Variants in RASSF8 observed in about 807,000 individuals in gnomAD.
RASSF8 encodes Ras association domain family member 8.
A neutral mutation model predicts 48.5 loss-of-function variants in RASSF8; 22 were observed. That is an observed-to-expected ratio of 0.45 (90% CI 0.32 to 0.65). The LOEUF is 0.65. Ranked by LOEUF, RASSF8 falls within the 30% of genes least tolerant of loss-of-function variation. The probability of loss-of-function intolerance (pLI) is 0.03; values close to 1 mark genes in which losing one functional copy is unlikely to be tolerated. For missense variants in RASSF8, 418 were observed against 489.2 expected, an observed-to-expected ratio of 0.85 and a Z score of 1.37; for synonymous variants, 127 against 171.5, an observed-to-expected ratio of 0.74 and a Z score of 2.03.
chr12:25,971,016 C>T (rs1941472643), intron 1 of RASSF8, among the ~76,000 whole-genome samples: 1 of 152,136 alleles, frequency 6.6e-6, no homozygotes, highest in African/African-American at 2.4e-5. Context: ...GTTCTTATTC[C>T]TTTGCTGTAA....
exon 6 of RASSF8, chr12:26,079,863 A>C (rs1042459273): frequency 2.0e-5 from 3 of 152,072 alleles, no homozygotes; most frequent in Non-Finnish European, 4.4e-5. Flanking sequence ...GAGGTTTCTC[A>C]AAAAATTAAA....
intron 3 of RASSF8, among the ~76,000 whole-genome samples, chr12:26,062,448 A>G (rs1004744703): frequency 6.6e-6 from 1 of 152,222 alleles, no homozygotes; most frequent in Non-Finnish European, 1.5e-5. Flanking sequence ...ACATATTTAT[A>G]TTTTACATTC....
intron 2 of RASSF8, among the ~76,000 whole-genome samples, chr12:26,039,481 C>T (rs1308788488): frequency 1.4e-5 from 2 of 143,566 alleles, no homozygotes; most frequent in Non-Finnish European, 1.5e-5. Flanking sequence ...TTGGTGGGGG[C>T]GGGGGTCGGT....
chr12:26,055,517 T>C (rs1186462279), intron 3 of RASSF8, 71 bp downstream of exon 3: 5 of 1,271,812 alleles, frequency 3.9e-6, no homozygotes, highest in Non-Finnish European at 5.7e-6. Context: ...TTGTTTTAAA[T>C]ATAGATTTCT....
At chr12:25,962,154 C>T (rs1056288858) in intron 1 of RASSF8, among the ~76,000 whole-genome samples, 1 of 152,176 alleles carries the variant, frequency 6.6e-6, no homozygotes, top group African/African-American at 2.4e-5. Context: ...CTTGACATTA[C>T]TTCAGGATCC....
rs1248649038 is a variant in RASSF8, at chr12:25,958,787, CCGCCCAGCTCCT to C, written c.-555_-544del. The C allele has an allele frequency of 1.4e-5, 2 of 147,470 alleles. No individual in the cohort carries two copies. Among genetic ancestry groups the C allele is most frequent in the East Asian group, 2.0e-4 (1 of 5,084 alleles). 9.1% of individuals were successfully genotyped at this position (147,470 alleles called of 1,614,324 possible). A position where few individuals can be genotyped will look rare whatever the true frequency, so the allele number is the denominator to read the frequency against. On this transcript the variant is annotated 5_prime_UTR_variant, in exon 1 of 6. Coordinates refer to ENST00000689635, the MANE Select transcript of RASSF8 (RefSeq NM_001394098.1). ...CGCGCCGCGCCCCGCTCAGCGTCTG[CCGCCCAGCTCCT>C]CGCCCAGCCTCGCCGAGCCTCGCCC...
chr12:26,005,961 A>G (rs1253779716), intron 2 of RASSF8, among the ~76,000 whole-genome samples: 1 of 152,178 alleles, frequency 6.6e-6, no homozygotes, highest in East Asian at 1.9e-4. Flanking sequence ...ATCTACTTCA[A>G]TGTGTAGTCT....
At chr12:26,009,304 C>T (rs1306906922) in intron 2 of RASSF8, among the ~76,000 whole-genome samples, 1 of 152,172 alleles carries the variant, frequency 6.6e-6, no homozygotes, top group East Asian at 1.9e-4. Context: ...AAAGCTATAC[C>T]TACAGGAGCA....
At chr12:26,073,821 TACACACACAC>T (rs757140768), downstream of RASSF8, among the ~76,000 whole-genome samples, 19 of 65,238 alleles carry the variant, frequency 2.9e-4, no homozygotes, top group Admixed American at 1.8e-3. Context: ...TATATACACA[TACACACACAC>T]ACACACACAC....
At chr12:26,025,019 T>G (rs1942874997) in intron 2 of RASSF8, among the ~76,000 whole-genome samples, 1 of 152,124 alleles carries the variant, frequency 6.6e-6, no homozygotes, top group South Asian at 2.1e-4. Flanking sequence ...ACTACATGAT[T>G]ATTTCAATAA....
At chr12:26,042,086 A>T (rs1943277348) in intron 2 of RASSF8, among the ~76,000 whole-genome samples, 1 of 152,242 alleles carries the variant, frequency 6.6e-6, no homozygotes, top group Non-Finnish European at 1.5e-5. Context: ...TTTCTGAAAT[A>T]TAGTTATAAA....
chr12:25,990,253 C>T (rs773694145), intron 1 of RASSF8, among the ~76,000 whole-genome samples: 2 of 152,176 alleles, frequency 1.3e-5, no homozygotes, highest in Non-Finnish European at 2.9e-5. Context: ...TGGATATCCA[C>T]CAGCCATTAG....
intron 2 of RASSF8, among the ~76,000 whole-genome samples, chr12:26,009,751 T>C (rs927327213): frequency 6.6e-5 from 10 of 152,104 alleles, no homozygotes; most frequent in African/African-American, 2.4e-4. Flanking sequence ...CCCTTATATT[T>C]AGCAAGGTGA....
Position 26,069,950 on chromosome 12 carries a change from C to T in RASSF8, c.*1132C>T, listed in dbSNP as rs1462170625. On this transcript the variant is annotated 3_prime_UTR_variant, in exon 6 of 6. Coordinates refer to ENST00000689635, the MANE Select transcript of RASSF8 (RefSeq NM_001394098.1). ...TTTTTATTTTTAGGCTTGACTTTTA[C>T]AAGACATTAATCTCCATTTGTACAT... 2 of 978,192 alleles carry T rather than the reference C, an allele frequency of 2.0e-6. No homozygotes were observed. The highest frequency in any genetic ancestry group is 4.7e-5 in the South Asian group (1 of 21,176). 60.6% of individuals were successfully genotyped at this position (978,192 alleles called of 1,614,324 possible). A position where few individuals can be genotyped will look rare whatever the true frequency, so the allele number is the denominator to read the frequency against.
intron 2 of RASSF8, among the ~76,000 whole-genome samples, chr12:26,014,369 T>C (rs1049747502): frequency 6.6e-6 from 1 of 152,230 alleles, no homozygotes; most frequent in Non-Finnish European, 1.5e-5. Flanking sequence ...ATAAAACGTA[T>C]GTGCTATCCT....
At chr12:26,038,358 C>T (rs566462566) in intron 2 of RASSF8, among the ~76,000 whole-genome samples, 9 of 152,110 alleles carry the variant, frequency 5.9e-5, no homozygotes, top group South Asian at 4.2e-4. Context: ...TTATGAGCAC[C>T]GTAGATCCTG....
At chr12:26,047,333 C>T (rs1197264997) in intron 2 of RASSF8, among the ~76,000 whole-genome samples, 1 of 152,172 alleles carries the variant, frequency 6.6e-6, no homozygotes, top group Non-Finnish European at 1.5e-5. Context: ...GAACAGACCA[C>T]ACACAGTTTT....
At chr12:26,039,173 C>T (rs1943212581) in intron 2 of RASSF8, among the ~76,000 whole-genome samples, 1 of 152,176 alleles carries the variant, frequency 6.6e-6, no homozygotes, top group South Asian at 2.1e-4. Context: ...AAGGTGAATT[C>T]TTAAGGTAAC....
In RASSF8 at chr12:26,009,463, C is replaced by T. The variant is rs1201084006; in HGVS notation, c.-109+14333C>T. On this transcript the variant is annotated intron_variant, in intron 2 of 5. Coordinates refer to ENST00000689635, the MANE Select transcript of RASSF8 (RefSeq NM_001394098.1). ...GATGGGTGGTGGCGGAGATGCTGGGCATCCTGTAGTGCACAGGACTGTCCC... is the reference window on the plus strand; with the variant it reads ...GATGGGTGGTGGCGGAGATGCTGGGTATCCTGTAGTGCACAGGACTGTCCC... Among the ~76,000 whole-genome samples, 3 of 152,244 alleles carry T rather than the reference C, an allele frequency of 2.0e-5. No homozygotes were observed. In the East Asian group the frequency reaches 5.8e-4, roughly 29 times the overall value.
Sources: gnomAD v4.1 joint callset for allele counts (sites outside exome capture counted in the v4.1 genomes callset) on GRCh38, gnomAD v4.1.1 for gene constraint, MANE v1.5 for transcripts, NCBI Gene and HGNC (gene_info 2026-07-23, HGNC 2026-07-21) for gene names.